The following GSAP variants were observed in gnomAD, a reference collection of about 807,000 sequenced individuals.
The protein encoded by GSAP is gamma-secretase-activating protein.
A neutral mutation model predicts 131.7 loss-of-function variants in GSAP; 118 were observed. The observed-to-expected ratio is 0.90, with a 90% CI of 0.77 to 1.04. The LOEUF is 1.04. Among genes scored for constraint, GSAP ranks in the 50% least tolerant of loss-of-function variants. The pLI is 0.00. For missense variants in GSAP, 1,019 were observed against 1,013.2 expected (o/e 1.01, Z -0.08); for synonymous variants, 381 against 363.4 (o/e 1.05, Z -0.55).
At chr7:77,315,140 A>G (rs933782075) in intron 26 of GSAP, 1 of 152,376 alleles carries the variant, frequency 6.6e-6, no homozygotes, top group African/African-American at 2.4e-5. Flanking sequence ...GGGAGAAGGT[A>G]TCAGACCAGG....
chr7:77,371,430 T>C (rs1376442353), intron 12 of GSAP, among the ~76,000 whole-genome samples: 1 of 42,050 alleles, frequency 2.4e-5, no homozygotes, highest in East Asian at 5.3e-4. Flanking sequence ...CCATCTTTTT[T>C]CTTTTTTTTT....
chr7:77,405,534 A>T (rs956687916), intron 2 of GSAP, among the ~76,000 whole-genome samples: 5 of 110,580 alleles, frequency 4.5e-5, no homozygotes, highest in Admixed American at 1.7e-4. Context: ...TTTAATATTT[A>T]AAAAAATTTT....
At chr7:77,328,815 A>T (rs2150670413) in intron 21 of GSAP, among the ~76,000 whole-genome samples, 178 bp from the exon 22 acceptor site, 1 of 152,348 alleles carries the variant, frequency 6.6e-6, no homozygotes, top group East Asian at 1.9e-4. Flanking sequence ...TTAGGCAATT[A>T]AAAAATCTCA....
At chr7:77,355,698 G>A (rs1793585431) in intron 14 of GSAP, 51 bp from the exon 15 acceptor site, 4 of 1,001,382 alleles carry the variant, frequency 4.0e-6, no homozygotes, top group African/African-American at 1.6e-5. Context: ...AGCTGCACAG[G>A]TACAGAATGT....
At chr7:77,397,552 T>C (rs1800622898) in intron 3 of GSAP, 137 bp from the exon 4 acceptor site, 1 of 559,224 alleles carries the variant, frequency 1.8e-6, no homozygotes, top group Non-Finnish European at 3.2e-6. Flanking sequence ...CTAGTTTAGC[T>C]ATGCTGACAC....
chr7:77,313,345 G>T (rs76316864), intron 28 of GSAP, 143 bp downstream of exon 28: 18,523 of 595,102 alleles, frequency 0.031, 476 homozygotes, highest in Admixed American at 0.051. Context: ...GCTGGGGACG[G>T]GTGGGATTTC....
chr7:77,351,071 T>TTTC (rs1266580135), intron 18 of GSAP: 1 of 937,716 alleles, frequency 1.1e-6, no homozygotes, highest in Non-Finnish European at 1.3e-6. Context: ...ATGACCGAGA[T>TTTC]TTTACTGATA....
At position 77,329,561 on chromosome 7, in the gene GSAP, A is replaced by T. The variant is rs563933313; in HGVS notation, c.1675-170T>A. On this transcript the variant is annotated intron_variant, in intron 20 of 30. Coordinates refer to ENST00000257626, the MANE Select transcript of GSAP (RefSeq NM_017439.4). ...AAGTTTTAAGAAATATTTTATTCTG[A>T]AACAATTACAGATTCACAGGAAACT... 8.6e-4 allele frequency: 345 copies of T among 403,152 alleles called. 1 individual carries two copies. Among genetic ancestry groups the T allele is most frequent in the Non-Finnish European group, 1.2e-3 (277 of 224,390 alleles). 25.0% of individuals were successfully genotyped at this position (403,152 alleles called of 1,614,324 possible).
At chr7:77,390,882 G>C (rs1799359167) in intron 5 of GSAP, among the ~76,000 whole-genome samples, 1 of 142,478 alleles carries the variant, frequency 7.0e-6, no homozygotes, top group African/African-American at 2.6e-5. Flanking sequence ...CCAGGAGGCG[G>C]AAGTTGCAGT....
intron 5 of GSAP, among the ~76,000 whole-genome samples, chr7:77,392,645 T>A (rs896730419): frequency 1.3e-5 from 2 of 152,010 alleles, no homozygotes; most frequent in African/African-American, 4.8e-5. Flanking sequence ...GACAGCAGGA[T>A]CAGGCAGAGG....
intron 3 of GSAP, among the ~76,000 whole-genome samples, chr7:77,401,596 A>T (rs947935715): frequency 1.3e-5 from 2 of 152,244 alleles, no homozygotes; most frequent in African/African-American, 4.8e-5. Context: ...AAATGGTTAA[A>T]AAAAGTTCTT....
intron 6 of GSAP, among the ~76,000 whole-genome samples, chr7:77,383,986 C>G (rs1367447443): frequency 6.6e-6 from 1 of 152,124 alleles, no homozygotes; most frequent in East Asian, 1.9e-4. Flanking sequence ...TGCTTCACAG[C>G]AATAAAGTCA....
chr7:77,365,402 G>A (rs1361933268), intron 12 of GSAP, among the ~76,000 whole-genome samples: 1 of 152,022 alleles, frequency 6.6e-6, no homozygotes, highest in Non-Finnish European at 1.5e-5. Flanking sequence ...CCACTCTCAA[G>A]AAGACCCCAG....
At chr7:77,377,468 T>C in intron 8 of GSAP, 78 bp from the exon 9 acceptor site, 1 of 1,416,594 alleles carries the variant, frequency 7.1e-7, no homozygotes, top group South Asian at 1.6e-5. Flanking sequence ...TTCATAATTA[T>C]TTTCCATGTC....
At position 77,387,418 on chromosome 7, in the gene GSAP, A is replaced by T. The variant is rs768867371; in HGVS notation, c.398T>A (p.Ile133Asn). The change falls in exon 6 of 31, where the codon ATC (isoleucine) becomes AAC (asparagine). Residue 133 changes from isoleucine (I) to asparagine (N), a missense_variant. Transcript: ENST00000257626. Reference sequence around the variant, plus strand: ...AACCTTCACATTGTTAACAGGGTGGATTTCAACCAACAAAGTCAAGCACTT... The same window carrying T: ...AACCTTCACATTGTTAACAGGGTGGTTTTCAACCAACAAAGTCAAGCACTT... The part of the protein sequence containing the change: ...GSKCLTLLVE[I>N]HPVNNVKVLK... 6.2e-7 allele frequency: 1 copy of T among 1,603,958 alleles called. No individual in the cohort carries two copies. The highest frequency in any genetic ancestry group is 1.1e-5 in the South Asian group (1 of 90,772).
intron 24 of GSAP, 37 bp downstream of exon 24, chr7:77,323,610 G>T: frequency 1.0e-6 from 1 of 998,102 alleles, no homozygotes; most frequent in Non-Finnish European, 1.6e-6. Flanking sequence ...GGAGTGGGGT[G>T]AAGGGGCATA....
intron 7 of GSAP, 145 bp from the exon 8 acceptor site, chr7:77,381,499 T>C (rs1256003415): frequency 4.1e-6 from 2 of 484,098 alleles, no homozygotes; most frequent in African/African-American, 4.0e-5. Context: ...CAAACTGTAA[T>C]CTCACAACAG....
intron 19 of GSAP, among the ~76,000 whole-genome samples, chr7:77,337,064 T>C (rs148079351): frequency 1.1e-3 from 173 of 152,358 alleles, no homozygotes; most frequent in African/African-American, 3.9e-3. Context: ...AAACTTTTTA[T>C]TTAAGTGATC....
intron 19 of GSAP, among the ~76,000 whole-genome samples, chr7:77,347,135 C>A (rs569819726): frequency 1.3e-5 from 2 of 152,116 alleles, no homozygotes; most frequent in African/African-American, 2.4e-5. Context: ...GGAAGCTCCA[C>A]GTCCCTTCCC....
Sources: allele counts gnomAD v4.1 joint callset (sites outside exome capture counted in the v4.1 genomes callset), GRCh38; gene constraint gnomAD v4.1.1; transcripts MANE v1.5; gene names NCBI Gene and HGNC (gene_info 2026-07-23, HGNC 2026-07-21).